ERN1: variants seen among roughly 807,000 people sequenced by gnomAD.
ERN1 encodes serine/threonine-protein kinase/endoribonuclease IRE1.
In ERN1, 39 loss-of-function variants were observed where a neutral mutation model predicts 113.1. The observed-to-expected ratio is 0.34, with a 90% confidence interval of 0.27 to 0.45. The LOEUF (loss-of-function observed/expected upper bound fraction) is 0.45. Among genes scored for constraint, ERN1 ranks in the 20% least tolerant of loss-of-function variants. The pLI is 1.00. For synonymous variants in ERN1, 507 were observed against 515.9 expected (o/e 0.98, Z 0.23); for missense variants, 976 against 1,274.8 (o/e 0.77, Z 3.57).
chr17:64,084,520 C>T (rs1253444915), intron 2 of ERN1, among the ~76,000 whole-genome samples: 1 of 123,384 alleles, frequency 8.1e-6, no homozygotes, highest in Non-Finnish European at 1.5e-5. Flanking sequence ...TCAATTTCCT[C>T]ATCAGTAAGG....
In ERN1 at chr17:64,098,296, T is replaced by C. The variant is rs374985130; in HGVS notation, c.55-55A>G. ...TTGATATGATTCTTCACCTTGGGCA[T>C]GTACAATCACAGACCCCCCACTCCC... is the stretch of plus-strand genomic sequence containing the variant. On this transcript the variant is annotated intron_variant, in intron 1 of 21. Transcript: ENST00000433197. 10 of 1,609,928 alleles carry C rather than the reference T, an allele frequency of 6.2e-6. No homozygotes were observed. In the African/African-American group the frequency reaches 9.4e-5, roughly 15 times the overall value.
At chr17:64,102,493 G>A (rs943422949) in intron 1 of ERN1, among the ~76,000 whole-genome samples, 1 of 152,180 alleles carries the variant, frequency 6.6e-6, no homozygotes, top group Non-Finnish European at 1.5e-5. Flanking sequence ...GAGCCACTCG[G>A]AACAGTGTTA....
chr17:64,112,724 C>T (rs1237878319), intron 1 of ERN1, among the ~76,000 whole-genome samples: 1 of 152,202 alleles, frequency 6.6e-6, no homozygotes, highest in Non-Finnish European at 1.5e-5. Flanking sequence ...ATGGGTGGGG[C>T]ATACCCCAAG....
At chr17:64,125,387 G>C (rs147743611) in intron 1 of ERN1, among the ~76,000 whole-genome samples, 78 of 152,294 alleles carry the variant, frequency 5.1e-4, no homozygotes, top group African/African-American at 1.7e-3. Context: ...GCCACAGCAA[G>C]ATGACTGGCA....
chr17:64,083,022 C>A (rs6504199), intron 2 of ERN1, among the ~76,000 whole-genome samples: 57,887 of 152,036 alleles, frequency 0.38, 13,432 homozygotes, highest in African/African-American at 0.66. Flanking sequence ...AGACACACTG[C>A]TGCTTGGCTT....
intron 15 of ERN1, chr17:64,053,965 G>T: frequency 3.1e-6 from 1 of 319,986 alleles, no homozygotes; most frequent in Non-Finnish European, 5.8e-6. Flanking sequence ...AATTTGACGG[G>T]GTCTCACTCT....
intron 1 of ERN1, among the ~76,000 whole-genome samples, chr17:64,106,257 A>C (rs1217109748): frequency 1.3e-5 from 2 of 152,250 alleles, no homozygotes; most frequent in African/African-American, 4.8e-5. Flanking sequence ...TGCAAGTGAG[A>C]GAAGGATTAT....
intron 2 of ERN1, among the ~76,000 whole-genome samples, chr17:64,091,869 G>C (rs1598073857): frequency 6.6e-6 from 1 of 152,132 alleles, no homozygotes; most frequent in Non-Finnish European, 1.5e-5. Context: ...AGTGGTGAAG[G>C]GCCAGTTGTT....
Position 64,043,639 on chromosome 17 carries a change from A to C in ERN1, c.*349T>G. ...ACGATTCCCTCCTCTCCCTTCCTGA[A>C]AGGCCTGTAGACTGACATTAAGCAG... On this transcript the variant is annotated 3_prime_UTR_variant, in exon 22 of 22. Transcript: ENST00000433197. 2 of 192,732 alleles carry C rather than the reference A, an allele frequency of 1.0e-5. No individual in the cohort carries two copies. The highest frequency in any genetic ancestry group is 2.1e-5 in the Non-Finnish European group (2 of 95,278). The allele number at this position is 192,732 out of a possible 1,614,324, so 11.9% of individuals were successfully genotyped here.
At chr17:64,058,723 C>G (rs1016412048) in intron 11 of ERN1, among the ~76,000 whole-genome samples, 1 of 152,100 alleles carries the variant, frequency 6.6e-6, no homozygotes, top group East Asian at 1.9e-4. Context: ...ATTTGCCCAA[C>G]AAAACTAACA....
At chr17:64,121,327 T>C (rs1267001332) in intron 1 of ERN1, among the ~76,000 whole-genome samples, 1 of 152,214 alleles carries the variant, frequency 6.6e-6, no homozygotes, top group Non-Finnish European at 1.5e-5. Flanking sequence ...GTGACTGAGC[T>C]AGAGAAGAGC....
intron 10 of ERN1, among the ~76,000 whole-genome samples, chr17:64,062,004 C>A (rs546429932): frequency 6.6e-6 from 1 of 152,260 alleles, no homozygotes; most frequent in Admixed American, 6.5e-5. Context: ...TGGGCCTTCA[C>A]TGATATCACG....
At chr17:64,119,376 G>GTTGTTTTTTGTTTTT (rs777806993) in intron 1 of ERN1, among the ~76,000 whole-genome samples, 5 of 77,898 alleles carry the variant, frequency 6.4e-5, no homozygotes, top group African/African-American at 1.7e-4. Flanking sequence ...TTTTTTCTAG[G>GTTGTTTTTTGTTTTT]TTTTTTTTTT....
At chr17:64,066,970 C>T (rs1455639440) in intron 7 of ERN1, 38 bp from the exon 8 acceptor site, 3 of 1,598,560 alleles carry the variant, frequency 1.9e-6, no homozygotes, top group African/African-American at 2.7e-5. Flanking sequence ...CTGAGTCTCA[C>T]CCCATCTTGC....
intron 3 of ERN1, 167 bp downstream of exon 3, chr17:64,080,608 C>T: frequency 3.4e-6 from 2 of 595,200 alleles, no homozygotes; most frequent in South Asian, 2.3e-5. Flanking sequence ...TGACCACCTC[C>T]TCCTCAACAC....
At chr17:64,117,197 C>A (rs1021190531) in intron 1 of ERN1, among the ~76,000 whole-genome samples, 1 of 152,244 alleles carries the variant, frequency 6.6e-6, no homozygotes. Context: ...AACCCCAGCA[C>A]TTTGGGAGGC....
rs1168634860 is a variant in ERN1 at position 64,060,666 on chromosome 17, G to C, written c.1088-79C>G. 5 of 1,019,252 alleles carry C rather than the reference G, an allele frequency of 4.9e-6. No individual in the cohort carries two copies. In the African/African-American group the frequency reaches 7.9e-5, roughly 16 times the overall value. 63.1% of individuals were successfully genotyped at this position (1,019,252 alleles called of 1,614,324 possible). A position where few individuals can be genotyped will look rare whatever the true frequency, so the allele number is the denominator to read the frequency against. Reference sequence around the variant, plus strand: ...ACTCAATGCTAAACTTAGGCAACAGGTGCTACCCACTGAGGGGTCCACAAT... The same window carrying C: ...ACTCAATGCTAAACTTAGGCAACAGCTGCTACCCACTGAGGGGTCCACAAT... On this transcript the variant is annotated intron_variant, in intron 10 of 21. Transcript: ENST00000433197.
chr17:64,071,138 G>A (rs1303574765), intron 6 of ERN1, among the ~76,000 whole-genome samples: 2 of 152,174 alleles, frequency 1.3e-5, no homozygotes. Flanking sequence ...GCCTGTCAAG[G>A]GACAATGACG....
chr17:64,124,506 T>C (rs1460299310), intron 1 of ERN1, among the ~76,000 whole-genome samples: 1 of 152,182 alleles, frequency 6.6e-6, no homozygotes, highest in Non-Finnish European at 1.5e-5. Context: ...CTTGTGATAG[T>C]GAATAAGTCT....
Sources: allele counts gnomAD v4.1 joint callset (sites outside exome capture counted in the v4.1 genomes callset), GRCh38; gene constraint gnomAD v4.1.1; transcripts MANE v1.5; gene names NCBI Gene and HGNC (gene_info 2026-07-23, HGNC 2026-07-21).